TRERF1: variants seen among roughly 807,000 people sequenced by gnomAD.
TRERF1 encodes transcriptional-regulating factor 1.
A neutral mutation model predicts 122.9 loss-of-function variants in TRERF1; 27 were observed. The ratio of observed to expected loss-of-function variants is 0.22; its 90% CI spans 0.16 to 0.30. TRERF1 has a LOEUF of 0.30. TRERF1 is among the 10% of genes least tolerant of loss of function. TRERF1 has a pLI of 1.00. For missense variants in TRERF1, 1,248 were observed against 1,560.3 expected, an observed-to-expected ratio of 0.80 and a Z score of 3.37; for synonymous variants, 636 against 641.7, an observed-to-expected ratio of 0.99 and a Z score of 0.13.
exon 18 of TRERF1, chr6:42,227,409 G>A (rs567002248): frequency 3.9e-5 from 6 of 152,194 alleles, no homozygotes; most frequent in Middle Eastern, 3.4e-3. Context: ...CATTAACAGC[G>A]TTGCAAAAAA....
At chr6:42,402,027 T>G (rs917976515) in intron 2 of TRERF1, among the ~76,000 whole-genome samples, 15 of 152,218 alleles carry the variant, frequency 9.9e-5, no homozygotes, top group African/African-American at 3.1e-4. Context: ...ACAAAACAGA[T>G]GCAACATAAA....
chr6:42,339,217 C>T lies in TRERF1; in HGVS notation c.-371+23780G>A, dbSNP rs139659662. ...TGGTTTATGAGAAAATGTGTTTCTC[C>T]ATCACCATTCCTTTGTTTTTCTGCT... On this transcript the variant is annotated intron_variant, in intron 3 of 17. Transcript: ENST00000372922. 2.4e-3 allele frequency among the ~76,000 whole-genome samples: 365 copies of T among 152,324 alleles called. 2 individuals carry two copies. The highest frequency in any genetic ancestry group is 4.2e-3 in the Non-Finnish European group (285 of 68,020).
At chr6:42,342,976 T>C (rs1235815785) in intron 3 of TRERF1, among the ~76,000 whole-genome samples, 1 of 152,184 alleles carries the variant, frequency 6.6e-6, no homozygotes, top group Non-Finnish European at 1.5e-5. Flanking sequence ...GGCCAGGTAC[T>C]CACACATGGC....
chr6:42,329,512 C>A (rs1468979047), intron 3 of TRERF1, among the ~76,000 whole-genome samples: 1 of 152,156 alleles, frequency 6.6e-6, no homozygotes, highest in African/African-American at 2.4e-5. Context: ...AAGCAACCCC[C>A]AGAAGAATTG....
intron 8 of TRERF1, among the ~76,000 whole-genome samples, chr6:42,261,675 C>A (rs1387173216): frequency 6.6e-6 from 1 of 152,138 alleles, no homozygotes. Flanking sequence ...CTCGGGGCTC[C>A]TTCCTGGATG....
chr6:42,373,873 G>A (rs562459777), intron 2 of TRERF1, among the ~76,000 whole-genome samples: 4 of 150,514 alleles, frequency 2.7e-5, no homozygotes, highest in South Asian at 4.2e-4. Context: ...GGTGGCTCAC[G>A]TCTGTAATCC....
chr6:42,347,577 T>C (rs1368493931), intron 3 of TRERF1, among the ~76,000 whole-genome samples: 2 of 152,200 alleles, frequency 1.3e-5, no homozygotes, highest in Non-Finnish European at 2.9e-5. Context: ...ATGCTGGTCA[T>C]GTCGGAGACC....
chr6:42,356,296 A>G (rs1048594864), intron 3 of TRERF1, among the ~76,000 whole-genome samples: 3 of 152,224 alleles, frequency 2.0e-5, no homozygotes, highest in Non-Finnish European at 4.4e-5. Flanking sequence ...TTGAAGCCCT[A>G]AACCCCAATG....
chr6:42,421,851 A>G (rs1218869042), intron 2 of TRERF1, among the ~76,000 whole-genome samples: 2 of 151,706 alleles, frequency 1.3e-5, no homozygotes, highest in African/African-American at 4.8e-5. Flanking sequence ...TGCACAACTG[A>G]CAAATAGATT....
intron 4 of TRERF1, among the ~76,000 whole-genome samples, chr6:42,271,097 T>C (rs1168709063): frequency 6.6e-6 from 1 of 150,626 alleles, no homozygotes; most frequent in Admixed American, 6.6e-5. Context: ...AGGCAGGAGA[T>C]TCACTTGAAC....
At position 42,268,633 on chromosome 6, in the gene TRERF1, A is replaced by G; in HGVS notation, c.958T>C (p.Ser320Pro). The change falls in exon 5 of 18, where the codon TCA becomes CCA. Residue 320 changes from serine (S) to proline (P), a missense_variant. By Grantham distance (74) the Ser-to-Pro change is moderately conservative (BLOSUM62 -1). This residue lies in a region of TRERF1 where 946 missense variants were observed against 1,073.0 expected (regional missense o/e 0.88). Transcript: ENST00000372922. This position sits in a 1 kb window ranked among gnomAD's most constrained non-coding sequence, Gnocchi z 4.4. ...TGATAATACTGAGGTATCTGCATTG[A>G]ACCCTGCCGCTGCTGCAGCTGTAGC... 6.2e-7 allele frequency: 1 copy of G among 1,614,078 alleles called. No homozygotes were observed. Among genetic ancestry groups the G allele is most frequent in the South Asian group, 1.1e-5 (1 of 91,078 alleles).
At chr6:42,333,437 G>C (rs1257921421) in intron 3 of TRERF1, among the ~76,000 whole-genome samples, 1 of 152,186 alleles carries the variant, frequency 6.6e-6, no homozygotes, top group Non-Finnish European at 1.5e-5. Context: ...AAAGGACCCG[G>C]AACGTTGTCC....
chr6:42,384,057 G>T (rs1331547356), intron 2 of TRERF1, among the ~76,000 whole-genome samples: 1 of 151,724 alleles, frequency 6.6e-6, no homozygotes, highest in Admixed American at 6.6e-5. Context: ...TCCTTGAAAG[G>T]ATACTTAGTA....
intron 3 of TRERF1, among the ~76,000 whole-genome samples, chr6:42,319,990 C>T (rs539657015): frequency 2.6e-5 from 4 of 151,916 alleles, no homozygotes; most frequent in Non-Finnish European, 1.5e-5. Flanking sequence ...CAACCTCTGC[C>T]TCCTGGGTTC....
intron 16 of TRERF1, among the ~76,000 whole-genome samples, chr6:42,235,432 T>C (rs888345663): frequency 1.3e-5 from 2 of 152,204 alleles, no homozygotes. Flanking sequence ...TTTAAAAATA[T>C]CCTTTAAAAT....
intron 3 of TRERF1, among the ~76,000 whole-genome samples, chr6:42,346,923 T>G (rs1468864139): frequency 6.6e-6 from 1 of 152,210 alleles, no homozygotes; most frequent in African/African-American, 2.4e-5. Context: ...TCCTTCCTGC[T>G]GTCCTCCTGG....
At chr6:42,337,743 T>C (rs969152398) in intron 3 of TRERF1, among the ~76,000 whole-genome samples, 5 of 152,038 alleles carry the variant, frequency 3.3e-5, no homozygotes, top group Non-Finnish European at 5.9e-5. Flanking sequence ...AGCAAAGGCA[T>C]GGAGGTGGGA....
chr6:42,250,788 AG>A (rs1268532510), intron 13 of TRERF1, among the ~76,000 whole-genome samples: 3 of 152,158 alleles, frequency 2.0e-5, no homozygotes, highest in Admixed American at 6.5e-5. Flanking sequence ...GTGCTGGAAC[AG>A]TATCCAGAGG....
chr6:42,316,684 C>T (rs1225905005), intron 3 of TRERF1, among the ~76,000 whole-genome samples: 1 of 152,130 alleles, frequency 6.6e-6, no homozygotes, highest in Non-Finnish European at 1.5e-5. Context: ...AACAGTCCCT[C>T]CCTGAAACGA....
Sources: allele counts gnomAD v4.1 joint callset (sites outside exome capture counted in the v4.1 genomes callset), GRCh38; gene constraint gnomAD v4.1.1; regional missense constraint gnomAD v4.1.1; non-coding constraint Gnocchi (gnomAD v3.1); transcripts MANE v1.5; gene names NCBI Gene and HGNC (gene_info 2026-07-23, HGNC 2026-07-21).